CWF19L2: variants seen among roughly 807,000 people sequenced by gnomAD.
CWF19L2 encodes the protein CWF19 like cell cycle control factor 2, also known as CWF19-like protein 2.
In CWF19L2, 98 loss-of-function variants were observed where a neutral mutation model predicts 111.7. The observed-to-expected ratio is 0.88, with a 90% CI of 0.75 to 1.04. CWF19L2 has a LOEUF of 1.04. Ranked by LOEUF, CWF19L2 falls within the 50% of genes least tolerant of loss-of-function variation. CWF19L2 has a pLI of 0.00. For missense variants in CWF19L2, 1,101 were observed against 1,051.4 expected (o/e 1.05, Z -0.65); for synonymous variants, 351 against 342.9 (o/e 1.02, Z -0.26).
Position 107,390,098 on chromosome 11 carries a change from C to T in CWF19L2, c.1848G>A (p.Lys616=). 2 of 1,612,538 alleles carry T rather than the reference C, an allele frequency of 1.2e-6. No individual in the cohort carries two copies. Among genetic ancestry groups the T allele is most frequent in the Non-Finnish European group, 1.7e-6 (2 of 1,179,360 alleles). The stretch of plus-strand genomic sequence containing the variant: ...CCTTAGATGCCATTCTCATAAAGAG[C>T]TTGTTTTGATTTTCTGCTGTTCCCA... The part of the protein sequence containing the change: ...EKMGTAENQN[K]LFMRMASKFM... The change falls in exon 12 of 18, where the codon AAG becomes AAA. Residue 616 remains lysine, a synonymous_variant. Coordinates refer to ENST00000282251, the MANE Select transcript of CWF19L2 (RefSeq NM_152434.3).
chr11:107,444,564 GGCCATTAAATCCATTCTGATC>G (rs1299451604), intron 3 of CWF19L2, among the ~76,000 whole-genome samples: 1 of 151,834 alleles, frequency 6.6e-6, no homozygotes, highest in African/African-American at 2.4e-5. Flanking sequence ...ATTCCCTTTG[GGCCATTAAATCCATTCTGATC>G]GCCTGAACTA....
At chr11:107,419,674 A>G (rs1044470200) in intron 8 of CWF19L2, among the ~76,000 whole-genome samples, 2 of 152,174 alleles carry the variant, frequency 1.3e-5, no homozygotes, top group Non-Finnish European at 1.5e-5. Flanking sequence ...GATAAAAAAT[A>G]TATGGGTAAG....
chr11:107,410,000 G>C (rs1272726158), intron 10 of CWF19L2, among the ~76,000 whole-genome samples: 1 of 151,958 alleles, frequency 6.6e-6, no homozygotes, highest in African/African-American at 2.4e-5. Context: ...TAAAGAAGAG[G>C]GATAAGGAAA....
intron 8 of CWF19L2, among the ~76,000 whole-genome samples, chr11:107,425,225 GAAAACCTTTGAGAAAT>G (rs1242124865): frequency 6.8e-6 from 1 of 147,594 alleles, no homozygotes; most frequent in Non-Finnish European, 1.5e-5. Flanking sequence ...CAAAGAGGTT[GAAAACCTTTGAGAAAT>G]AAGTAACTAA....
At chr11:107,353,123 T>A (rs1860181478) in intron 13 of CWF19L2, among the ~76,000 whole-genome samples, 1 of 152,180 alleles carries the variant, frequency 6.6e-6, no homozygotes, top group African/African-American at 2.4e-5. Flanking sequence ...TTTACTTGCT[T>A]TATGACAATT....
At chr11:107,426,897 T>A (rs907685249) in intron 8 of CWF19L2, among the ~76,000 whole-genome samples, 3 of 151,876 alleles carry the variant, frequency 2.0e-5, no homozygotes, top group African/African-American at 7.2e-5. Context: ...GGGTTGGAAG[T>A]GACATGAAAG....
chr11:107,343,584 T>C (rs559558594), intron 14 of CWF19L2, among the ~76,000 whole-genome samples: 3 of 150,980 alleles, frequency 2.0e-5, no homozygotes, highest in Non-Finnish European at 4.4e-5. Flanking sequence ...ATTGATATAG[T>C]AGAGATATTC....
chr11:107,416,267 T>C lies in CWF19L2; in HGVS notation c.1559A>G (p.Glu520Gly). Residue 520 changes from glutamate (E) to glycine (G), a missense_variant, in exon 10 of 18, where the codon GAA becomes GGA. Coordinates refer to ENST00000282251, the MANE Select transcript of CWF19L2 (RefSeq NM_152434.3). ...AGTTTCTTTGAATTTATTTGCCTTT[T>C]CAAGTTGAACTTTAAGTTGTTCAGC... Reference protein sequence around the residue: ...ELAEQLKVQLEKANKFKETIT... With the variant: ...ELAEQLKVQLGKANKFKETIT... 2 of 1,489,496 alleles carry C rather than the reference T, an allele frequency of 1.3e-6. No individual in the cohort carries two copies. The highest frequency in any genetic ancestry group is 1.8e-6 in the Non-Finnish European group (2 of 1,110,438). 92.3% of individuals were successfully genotyped at this position (1,489,496 alleles called of 1,614,324 possible).
At chr11:107,387,731 T>C (rs1195199381) in intron 12 of CWF19L2, among the ~76,000 whole-genome samples, 1 of 152,174 alleles carries the variant, frequency 6.6e-6, no homozygotes, top group Non-Finnish European at 1.5e-5. Flanking sequence ...ACATGTCTAA[T>C]TCACAATAGG....
In CWF19L2 at chr11:107,374,370, G is replaced by C. The variant is rs371189464; in HGVS notation, c.1872+15704C>G. On this transcript the variant is annotated intron_variant, in intron 12 of 17. Transcript: ENST00000282251. The stretch of plus-strand genomic sequence containing the variant: ...AAAAAATGTTAAGGGCAGCCAGAGA[G>C]AAAGGTTGGGTTACCCTCAAAGGGA... Among the ~76,000 whole-genome samples, 25 of 133,500 alleles carry C rather than the reference G, an allele frequency of 1.9e-4. 3 individuals carry two copies. In the East Asian group the frequency reaches 4.7e-3, roughly 25 times the overall value. The allele number at this position is 133,500 out of a possible 152,430, so 87.6% of individuals were successfully genotyped here.
At chr11:107,436,212 T>C (rs1451838074) in intron 6 of CWF19L2, among the ~76,000 whole-genome samples, 1 of 149,768 alleles carries the variant, frequency 6.7e-6, no homozygotes, top group African/African-American at 2.5e-5. Flanking sequence ...AGTACAAACA[T>C]GAATGTAGCA....
chr11:107,426,674 A>G (rs1288132658), intron 8 of CWF19L2, among the ~76,000 whole-genome samples: 1 of 151,860 alleles, frequency 6.6e-6, no homozygotes, highest in African/African-American at 2.4e-5. Context: ...GCTAAAGTAA[A>G]AAGATCTTTA....
intron 10 of CWF19L2, chr11:107,404,526 T>C: frequency 2.9e-6 from 2 of 697,832 alleles, no homozygotes; most frequent in South Asian, 3.1e-5. Context: ...AACCTTGGAG[T>C]GCTGGGCATT....
In CWF19L2 at chr11:107,329,947, GATCTTC is replaced by G; in HGVS notation, c.2506_2511del (p.Glu836_Asp837del). 6.3e-7 allele frequency: 1 copy of G among 1,591,834 alleles called. No homozygotes were observed. Among genetic ancestry groups the G allele is most frequent in the East Asian group, 2.3e-5 (1 of 44,214 alleles). On this transcript the variant is annotated inframe_deletion, in exon 17 of 18. Coordinates refer to ENST00000282251, the MANE Select transcript of CWF19L2 (RefSeq NM_152434.3). ...CCAAAGTAATGAGGGAATTTGTGCT[GATCTTC>G]AATGACATGGGCAAACCCTCCGTGA... is the stretch of plus-strand genomic sequence containing the variant.
rs866260853 is a variant in CWF19L2, at chr11:107,363,525, C to T, written c.1873-9789G>A. 9.6e-3 allele frequency among the ~76,000 whole-genome samples: 1,429 copies of T among 148,950 alleles called. 20 individuals carry two copies. The highest frequency in any genetic ancestry group is 0.034 in the African/African-American group (1,360 of 39,702). On this transcript the variant is annotated intron_variant, in intron 12 of 17. Transcript: ENST00000282251. ...AGAGTGGGGGCCAATATTCAACATT[C>T]TTAAAGAAAAGAATTTTCAACCCAG...
chr11:107,392,200 T>C (rs182575729), intron 11 of CWF19L2, among the ~76,000 whole-genome samples: 38 of 152,306 alleles, frequency 2.5e-4, no homozygotes, highest in East Asian at 1.7e-3. Flanking sequence ...AACAGTTCTT[T>C]TGTATATGCA....
At chr11:107,378,309 C>T (rs1296528112) in intron 12 of CWF19L2, among the ~76,000 whole-genome samples, 145 of 150,380 alleles carry the variant, frequency 9.6e-4, no homozygotes, top group Admixed American at 3.1e-3. Flanking sequence ...TATAAAGACA[C>T]ATGCACACGT....
intron 9 of CWF19L2, among the ~76,000 whole-genome samples, chr11:107,417,407 C>A (rs566781494): frequency 6.6e-6 from 1 of 152,180 alleles, no homozygotes. Flanking sequence ...AACATTACTA[C>A]AGGAATTAAA....
chr11:107,328,290 G>A (rs1048288346), intron 17 of CWF19L2, among the ~76,000 whole-genome samples: 2 of 152,128 alleles, frequency 1.3e-5, no homozygotes, highest in South Asian at 4.1e-4. Context: ...TAGTTCAAGA[G>A]TTTCTCAGCA....
Sources: allele counts gnomAD v4.1 joint callset (sites outside exome capture counted in the v4.1 genomes callset), GRCh38; gene constraint gnomAD v4.1.1; transcripts MANE v1.5; gene names NCBI Gene and HGNC (gene_info 2026-07-23, HGNC 2026-07-21).